The following ACSS3 variants were observed in gnomAD, a reference collection of about 807,000 sequenced individuals.
ACSS3 encodes the protein acyl-CoA synthetase short-chain family member 3, mitochondrial.
In ACSS3, 64 loss-of-function variants were observed where a neutral mutation model predicts 84.2. That is an observed-to-expected ratio of 0.76 (90% CI 0.62 to 0.94). ACSS3 has a LOEUF of 0.94. Among genes scored for constraint, ACSS3 ranks in the 40% least tolerant of loss-of-function variants. The pLI, the probability that ACSS3 is intolerant of heterozygous loss-of-function variation, is 0.00. For synonymous variants in ACSS3, 317 were observed against 310.1 expected, an observed-to-expected ratio of 1.02 and a Z score of -0.23; for missense variants, 815 against 867.6, an observed-to-expected ratio of 0.94 and a Z score of 0.76.
chr12:81,129,821 T>C (rs1234064400), intron 2 of ACSS3, among the ~76,000 whole-genome samples: 5 of 115,924 alleles, frequency 4.3e-5, no homozygotes, highest in African/African-American at 1.7e-4. Flanking sequence ...TTCCCCGCCC[T>C]GTGTCCAAGT....
At chr12:81,215,221 T>A (rs1274909843) in intron 9 of ACSS3, among the ~76,000 whole-genome samples, 1 of 152,150 alleles carries the variant, frequency 6.6e-6, no homozygotes, top group East Asian at 1.9e-4. Flanking sequence ...TTTCATAAAA[T>A]ACCTTCCCCC....
At chr12:81,250,725 C>T (rs2034125787) in intron 13 of ACSS3, among the ~76,000 whole-genome samples, 1 of 152,078 alleles carries the variant, frequency 6.6e-6, no homozygotes. Context: ...TACAGAGAGT[C>T]ATGGCACCAA....
intron 5 of ACSS3, among the ~76,000 whole-genome samples, chr12:81,146,779 G>GT (rs1566002797): frequency 1.3e-5 from 2 of 151,888 alleles, no homozygotes; most frequent in Non-Finnish European, 2.9e-5. Flanking sequence ...CCCTCATCTG[G>GT]ATCAGATGTC....
At chr12:81,225,380 A>G (rs535997449) in intron 11 of ACSS3, among the ~76,000 whole-genome samples, 1 of 152,082 alleles carries the variant, frequency 6.6e-6, no homozygotes, top group South Asian at 2.1e-4. Flanking sequence ...ATTTTATCCT[A>G]TCAATTACCA....
chr12:81,246,628 G>A (rs1029079209), intron 13 of ACSS3, among the ~76,000 whole-genome samples: 1 of 152,080 alleles, frequency 6.6e-6, no homozygotes, highest in African/African-American at 2.4e-5. Context: ...TTGTTATTGT[G>A]GAAGATATAA....
intron 5 of ACSS3, among the ~76,000 whole-genome samples, chr12:81,150,869 C>T (rs968312366): frequency 7.0e-6 from 1 of 141,992 alleles, no homozygotes; most frequent in African/African-American, 2.4e-5. Context: ...CATGTTTGCC[C>T]TTTCATAAAA....
intron 2 of ACSS3, among the ~76,000 whole-genome samples, chr12:81,120,054 T>TG (rs1275527471): frequency 6.7e-6 from 1 of 149,486 alleles, no homozygotes; most frequent in Non-Finnish European, 1.5e-5. Context: ...ATGTAGAAGC[T>TG]GGGTCAAGTA....
intron 15 of ACSS3, among the ~76,000 whole-genome samples, chr12:81,254,495 C>A (rs949795795): frequency 9.9e-5 from 15 of 151,972 alleles, no homozygotes; most frequent in South Asian, 2.1e-4. Flanking sequence ...CAAAGATATA[C>A]CTATTTTTAT....
At chr12:81,138,686 A>G (rs1173242717) in intron 3 of ACSS3, among the ~76,000 whole-genome samples, 2 of 152,104 alleles carry the variant, frequency 1.3e-5, no homozygotes, top group Non-Finnish European at 2.9e-5. Context: ...ATTATTGGAG[A>G]TTTGGGTCTT....
At chr12:81,103,034 G>T (rs776528738) in intron 1 of ACSS3, among the ~76,000 whole-genome samples, 40 of 152,128 alleles carry the variant, frequency 2.6e-4, no homozygotes, top group Non-Finnish European at 4.3e-4. Context: ...ACCAATATTT[G>T]TCTGCAGGAA....
chr12:81,215,069 T>C (rs961623901), intron 9 of ACSS3, among the ~76,000 whole-genome samples: 1 of 152,160 alleles, frequency 6.6e-6, no homozygotes, highest in African/African-American at 2.4e-5. Flanking sequence ...TTTCGAAGGA[T>C]AGCTGAGGTG....
intron 2 of ACSS3, among the ~76,000 whole-genome samples, chr12:81,128,527 A>G (rs1428075667): frequency 6.6e-6 from 1 of 152,180 alleles, no homozygotes; most frequent in Admixed American, 6.5e-5. Context: ...TCAGACTGAA[A>G]ATCAATTTTA....
At chr12:81,170,425 A>T (rs376814085) in intron 7 of ACSS3, among the ~76,000 whole-genome samples, 14 of 152,144 alleles carry the variant, frequency 9.2e-5, no homozygotes, top group African/African-American at 3.4e-4. Context: ...TAATATTAGC[A>T]ATTGATGTTT....
At chr12:81,191,343 A>G (rs1197814503) in intron 8 of ACSS3, among the ~76,000 whole-genome samples, 1 of 151,762 alleles carries the variant, frequency 6.6e-6, no homozygotes, top group East Asian at 1.9e-4. Context: ...CTTCCTTTCT[A>G]TTTTTGGAGA....
intron 1 of ACSS3, among the ~76,000 whole-genome samples, chr12:81,107,368 C>T (rs576852095): frequency 7.3e-5 from 11 of 150,424 alleles, no homozygotes; most frequent in Non-Finnish European, 1.6e-4. Context: ...ATATCATGAA[C>T]ATAATTGAAT....
intron 1 of ACSS3, among the ~76,000 whole-genome samples, chr12:81,085,934 A>G (rs1881281470): frequency 6.6e-6 from 1 of 152,174 alleles, no homozygotes; most frequent in African/African-American, 2.4e-5. Context: ...CAAAGGGAAA[A>G]AAAAAGTACT....
At chr12:81,125,388 T>G (rs1565990752) in intron 2 of ACSS3, among the ~76,000 whole-genome samples, 1 of 152,200 alleles carries the variant, frequency 6.6e-6, no homozygotes, top group Non-Finnish European at 1.5e-5. Flanking sequence ...GCTAAGGTAA[T>G]TAATGCTTTC....
At position 81,199,374 on chromosome 12, in the gene ACSS3, T is replaced by C. The variant is rs763665569; in HGVS notation, c.1284T>C (p.Cys428=). Reference sequence around the variant, plus strand: ...CATTATTTGTGGCTGGAGAACGATGTGATGTAGAGACCCTGGAATGGTCCA... The same window carrying C: ...CATTATTTGTGGCTGGAGAACGATGCGATGTAGAGACCCTGGAATGGTCCA... ...FKTLFVAGER[C]DVETLEWSKN... The change falls in exon 9 of 16, where the codon TGT becomes TGC. Residue 428 remains cysteine, a synonymous_variant. Transcript: ENST00000548058. 21 of 1,613,536 alleles carry C rather than the reference T, an allele frequency of 1.3e-5. No individual in the cohort carries two copies. Among genetic ancestry groups the C allele is most frequent in the Non-Finnish European group, 1.4e-5 (17 of 1,179,754 alleles).
intron 15 of ACSS3, among the ~76,000 whole-genome samples, chr12:81,254,273 A>AT (rs2136022179): frequency 6.6e-6 from 1 of 152,256 alleles, no homozygotes; most frequent in African/African-American, 2.4e-5. Context: ...ATTCAAACAA[A>AT]TTTGTGGAAA....
Sources: allele counts gnomAD v4.1 joint callset (sites outside exome capture counted in the v4.1 genomes callset), GRCh38; gene constraint gnomAD v4.1.1; transcripts MANE v1.5; gene names NCBI Gene and HGNC (gene_info 2026-07-23, HGNC 2026-07-21).